The following PPARGC1A variants were observed in gnomAD, a reference collection of about 807,000 sequenced individuals.
PPARGC1A encodes the protein peroxisome proliferator-activated receptor gamma coactivator 1-alpha.
A neutral mutation model predicts 88.7 loss-of-function variants in PPARGC1A; 25 were observed. That is an observed-to-expected ratio of 0.28 (90% CI 0.21 to 0.39). The LOEUF (loss-of-function observed/expected upper bound fraction) is 0.39, where lower values mean the gene tolerates loss of function less well. Among genes scored for constraint, PPARGC1A ranks in the 10% least tolerant of loss-of-function variants. PPARGC1A has a pLI of 1.00. For synonymous variants in PPARGC1A, 363 were observed against 355.6 expected (o/e 1.02, Z -0.24); for missense variants, 880 against 968.7 (o/e 0.91, Z 1.22).
chr4:24,184,403 T>C, the PPARGC1A span, among the ~76,000 whole-genome samples: 3 of 152,222 alleles, frequency 2.0e-5, no homozygotes. Context: ...AAACTAATAT[T>C]GAAGAGATGT....
the PPARGC1A span, among the ~76,000 whole-genome samples, chr4:24,143,269 T>C: frequency 3.9e-5 from 6 of 152,152 alleles, no homozygotes; most frequent in African/African-American, 9.7e-5. Flanking sequence ...TGTCATGGTG[T>C]AGGGACAGAC....
chr4:24,091,688 C>T, the PPARGC1A span: 1 of 970,538 alleles, frequency 1.0e-6, no homozygotes, highest in Non-Finnish European at 1.2e-6. Context: ...CAGGAAGAAC[C>T]CACCGGGGAA....
chr4:24,100,497 A>G, the PPARGC1A span, among the ~76,000 whole-genome samples: 1 of 152,172 alleles, frequency 6.6e-6, no homozygotes, highest in Non-Finnish European at 1.5e-5. Flanking sequence ...CCTTCGACAT[A>G]CGTGGCTATT....
At chr4:23,901,616 G>A (rs1472194299), upstream of PPARGC1A, among the ~76,000 whole-genome samples, 1 of 151,800 alleles carries the variant, frequency 6.6e-6, no homozygotes, top group African/African-American at 2.4e-5. Flanking sequence ...TGACAAGACA[G>A]CATGAGCTTG....
the PPARGC1A span, among the ~76,000 whole-genome samples, chr4:23,947,398 A>ATATATGT: frequency 5.6e-5 from 1 of 17,842 alleles, no homozygotes; most frequent in Non-Finnish European, 1.1e-4. Context: ...TATATATATA[A>ATATATGT]AAAAAACGGT....
chr4:24,114,677 G>C, the PPARGC1A span, among the ~76,000 whole-genome samples: 16 of 152,090 alleles, frequency 1.1e-4, 1 homozygote, highest in Non-Finnish European at 1.8e-4. Context: ...TCCTAAATTG[G>C]GCAATTTGTG....
chr4:24,188,666 G>C, the PPARGC1A span, among the ~76,000 whole-genome samples: 1 of 152,156 alleles, frequency 6.6e-6, no homozygotes, highest in Non-Finnish European at 1.5e-5. Flanking sequence ...AGAGGATGTA[G>C]AGAAACTGAA....
At chr4:24,181,563 C>G in the PPARGC1A span, among the ~76,000 whole-genome samples, 1 of 152,110 alleles carries the variant, frequency 6.6e-6, no homozygotes, top group Non-Finnish European at 1.5e-5. Context: ...CTGGGTGCCA[C>G]AGACTCTATC....
At chr4:24,136,551 A>G in the PPARGC1A span, among the ~76,000 whole-genome samples, 1 of 152,172 alleles carries the variant, frequency 6.6e-6, no homozygotes, top group Non-Finnish European at 1.5e-5. Flanking sequence ...CATCCTCAGG[A>G]GAGGGGTCGC....
intron 2 of PPARGC1A, among the ~76,000 whole-genome samples, chr4:23,877,393 T>C (rs1278515561): frequency 3.5e-5 from 5 of 141,060 alleles, no homozygotes; most frequent in Non-Finnish European, 4.6e-5. Flanking sequence ...AAAAAATTAG[T>C]TGGGCGTTGT....
the PPARGC1A span, among the ~76,000 whole-genome samples, chr4:24,434,111 G>C: frequency 2.0e-5 from 3 of 152,110 alleles, no homozygotes; most frequent in Non-Finnish European, 4.4e-5. Context: ...CTACCCAAAA[G>C]AGGAAAGAAA....
chr4:24,312,363 A>G, the PPARGC1A span, among the ~76,000 whole-genome samples: 3 of 149,650 alleles, frequency 2.0e-5, no homozygotes, highest in African/African-American at 7.4e-5. Flanking sequence ...TCCCAAATTA[A>G]CTCAACATAT....
chr4:24,266,133 G>T, the PPARGC1A span, among the ~76,000 whole-genome samples: 1 of 152,186 alleles, frequency 6.6e-6, no homozygotes, highest in Non-Finnish European at 1.5e-5. Context: ...TTTTTGAAAT[G>T]TATGTCTTAA....
chr4:23,882,814 G>T (rs1446613145), intron 2 of PPARGC1A: 1 of 152,122 alleles, frequency 6.6e-6, no homozygotes, highest in Non-Finnish European at 1.5e-5. Context: ...AGGTATAAAT[G>T]CAAAGTACCT....
the PPARGC1A span, among the ~76,000 whole-genome samples, chr4:24,000,160 C>T: frequency 6.6e-6 from 1 of 151,952 alleles, no homozygotes; most frequent in Non-Finnish European, 1.5e-5. Flanking sequence ...TGAATGACAA[C>T]AATGTCTTCC....
intron 2 of PPARGC1A, among the ~76,000 whole-genome samples, chr4:23,875,271 TTTTG>T (rs1406761975): frequency 6.6e-6 from 1 of 152,222 alleles, no homozygotes; most frequent in Non-Finnish European, 1.5e-5. Flanking sequence ...CTTGTAATTC[TTTTG>T]TTTCTTTTTT....
intron 2 of PPARGC1A, among the ~76,000 whole-genome samples, chr4:23,836,195 T>C (rs1725978582): frequency 6.6e-6 from 1 of 152,118 alleles, no homozygotes; most frequent in African/African-American, 2.4e-5. Flanking sequence ...AAAGAGCAGG[T>C]CACCAATTAG....
the PPARGC1A span, among the ~76,000 whole-genome samples, chr4:23,993,784 G>A: frequency 6.6e-6 from 1 of 152,070 alleles, no homozygotes; most frequent in Non-Finnish European, 1.5e-5. Flanking sequence ...TGGAAAGTCA[G>A]CAGGAATTTA....
the PPARGC1A span, among the ~76,000 whole-genome samples, chr4:24,219,673 G>T: frequency 1.3e-5 from 2 of 152,130 alleles, no homozygotes; most frequent in East Asian, 3.9e-4. Flanking sequence ...AAACATGGAC[G>T]CTTCTGGTAC....
Sources: gnomAD v4.1 joint callset for allele counts (sites outside exome capture counted in the v4.1 genomes callset) on GRCh38, gnomAD v4.1.1 for gene constraint, MANE v1.5 for transcripts, NCBI Gene and HGNC (gene_info 2026-07-23, HGNC 2026-07-21) for gene names.